ADCY9: variants seen among roughly 807,000 people sequenced by gnomAD.
ADCY9 encodes the protein adenylate cyclase type 9.
ADCY9 carries 50 observed loss-of-function variants against 101.5 expected under a neutral mutation model. The observed-to-expected ratio is 0.49, with a 90% CI of 0.39 to 0.62. The LOEUF is 0.62. ADCY9 is among the 20% of genes least tolerant of loss of function. ADCY9 has a pLI of 0.00. For synonymous variants in ADCY9, 905 were observed against 769.3 expected, an observed-to-expected ratio of 1.18 and a Z score of -2.92; for missense variants, 1,662 against 1,800.4, an observed-to-expected ratio of 0.92 and a Z score of 1.39.
At chr16:3,956,789 C>T (rs549593855) in intron 5 of ADCY9, among the ~76,000 whole-genome samples, 2 of 151,978 alleles carry the variant, frequency 1.3e-5, no homozygotes, top group Non-Finnish European at 2.9e-5. Context: ...GCCACCGTGC[C>T]CGGCCAGCAA....
intron 3 of ADCY9, among the ~76,000 whole-genome samples, chr16:4,005,583 A>T (rs1486594475): frequency 2.6e-5 from 4 of 152,198 alleles, no homozygotes; most frequent in Non-Finnish European, 4.4e-5. Context: ...AATATTTGGA[A>T]AATCTCCACA....
At chr16:4,057,041 C>G (rs1028957533) in intron 2 of ADCY9, among the ~76,000 whole-genome samples, 1 of 47,538 alleles carries the variant, frequency 2.1e-5, no homozygotes, top group Non-Finnish European at 4.5e-5. Context: ...TGAAACCGCC[C>G]CCCCCCCCCC....
chr16:3,958,208 C>T (rs963424953), downstream of ADCY9, among the ~76,000 whole-genome samples: 3 of 152,054 alleles, frequency 2.0e-5, no homozygotes, highest in African/African-American at 7.2e-5. Context: ...GGGACCCTCC[C>T]GCCAGGACCC....
chr16:4,027,580 T>C (rs1247331824), intron 2 of ADCY9, among the ~76,000 whole-genome samples: 1 of 152,110 alleles, frequency 6.6e-6, no homozygotes, highest in East Asian at 1.9e-4. Context: ...CTCCTCTTTA[T>C]AAAACCATCA....
chr16:4,014,506 G>A (rs891195373), intron 2 of ADCY9, among the ~76,000 whole-genome samples: 2 of 151,330 alleles, frequency 1.3e-5, no homozygotes, highest in Non-Finnish European at 2.9e-5. Context: ...GGAGCGTAGT[G>A]GCGCGATCTC....
chr16:3,986,932 T>C (rs1010789251), intron 6 of ADCY9, among the ~76,000 whole-genome samples: 7 of 152,222 alleles, frequency 4.6e-5, no homozygotes, highest in Non-Finnish European at 8.8e-5. Flanking sequence ...CAGCTCCCCA[T>C]GGCCTGTGGC....
At chr16:3,961,985 C>T (rs1228071152), downstream of ADCY9, among the ~76,000 whole-genome samples, 2 of 151,822 alleles carry the variant, frequency 1.3e-5, no homozygotes, top group African/African-American at 4.8e-5. Context: ...GAGATCGCAC[C>T]ACGGCACTCC....
At chr16:3,975,780 G>A (rs1245727117) in intron 9 of ADCY9, among the ~76,000 whole-genome samples, 1 of 152,148 alleles carries the variant, frequency 6.6e-6, no homozygotes, top group African/African-American at 2.4e-5. Context: ...TTTATAAGCA[G>A]TTATAGGAAA....
At chr16:3,968,586 A>C (rs1380412791) in intron 10 of ADCY9, among the ~76,000 whole-genome samples, 5 of 152,176 alleles carry the variant, frequency 3.3e-5, no homozygotes, top group Non-Finnish European at 7.3e-5. Flanking sequence ...GACAATGCTA[A>C]CATCTGAACC....
intron 2 of ADCY9, among the ~76,000 whole-genome samples, chr16:4,029,297 G>C (rs572469393): frequency 2.6e-5 from 4 of 152,118 alleles, no homozygotes; most frequent in Non-Finnish European, 4.4e-5. Flanking sequence ...TCAATTTTAT[G>C]GTAGGCTGAA....
At chr16:3,994,650 G>T (rs1269098126) in intron 3 of ADCY9, among the ~76,000 whole-genome samples, 6 of 152,138 alleles carry the variant, frequency 3.9e-5, no homozygotes, top group Non-Finnish European at 5.9e-5. Flanking sequence ...TAGAAACGGG[G>T]TTTCGCCATG....
intron 2 of ADCY9, among the ~76,000 whole-genome samples, chr16:4,045,869 CTTTTTTTTTTTT>C (rs56804050): frequency 1.3e-5 from 1 of 78,910 alleles, no homozygotes; most frequent in Non-Finnish European, 2.6e-5. Flanking sequence ...TTTTTTCTTT[CTTTTTTTTTTTT>C]TTTTTTTTTG....
At chr16:4,098,290 G>A (rs1405908224) in intron 2 of ADCY9, among the ~76,000 whole-genome samples, 1 of 151,864 alleles carries the variant, frequency 6.6e-6, no homozygotes, top group Non-Finnish European at 1.5e-5. Context: ...ACCCAGGCTG[G>A]AATGTAGTGG....
At chr16:3,957,160 G>A (rs2055912094) in intron 5 of ADCY9, among the ~76,000 whole-genome samples, 2 of 152,190 alleles carry the variant, frequency 1.3e-5, no homozygotes, top group Non-Finnish European at 2.9e-5. Context: ...CCGTTTGGCT[G>A]TAATACCGCG....
chr16:4,005,281 T>G (rs1418701050), intron 3 of ADCY9, among the ~76,000 whole-genome samples: 3 of 152,196 alleles, frequency 2.0e-5, no homozygotes, highest in Admixed American at 6.5e-5. Context: ...TAAGCTGGAG[T>G]GCAGTGGCAA....
In ADCY9 at chr16:3,979,120, A is replaced by G. The variant is rs777080266; in HGVS notation, c.2675T>C (p.Ile892Thr). Residue 892 changes from isoleucine (I) to threonine (T), a missense_variant, in exon 8 of 11, where the codon ATA becomes ACA. Transcript: ENST00000294016. ...SHVTSEYETN[I>T]HFPVFTGSAA... ...AACGGCTGAGCCTTTACTTACGTGT[A>G]TGTTGGTCTCATATTCGGAGGTGAC... The G allele has an allele frequency of 4.3e-6, 7 of 1,614,188 alleles. No homozygotes were observed. Among genetic ancestry groups the G allele is most frequent in the Middle Eastern group, 1.6e-4 (1 of 6,062 alleles).
Position 3,963,160 on chromosome 16 carries a change from C to T in ADCY9, c.*2615G>A. The stretch of plus-strand genomic sequence containing the variant: ...TATATATATGGATATATAATTCGAT[C>T]TGAGCTGGGACTGAGAAGAAAATAG... On this transcript the variant is annotated 3_prime_UTR_variant, in exon 11 of 11. Coordinates refer to ENST00000294016, the MANE Select transcript of ADCY9 (RefSeq NM_001116.4). 1 of 254,934 alleles carries T rather than the reference C, an allele frequency of 3.9e-6. No homozygotes were observed. Among genetic ancestry groups the T allele is most frequent in the Non-Finnish European group, 6.9e-6 (1 of 145,908 alleles). The allele number at this position is 254,934 out of a possible 1,614,324, so 15.8% of individuals were successfully genotyped here.
intron 6 of ADCY9, among the ~76,000 whole-genome samples, chr16:3,986,713 C>G (rs989317497): frequency 6.6e-6 from 1 of 152,180 alleles, no homozygotes; most frequent in Non-Finnish European, 1.5e-5. Flanking sequence ...CCGCCTCAGC[C>G]TCCCAAAGTG....
intron 7 of ADCY9, 142 bp from the exon 8 acceptor site, chr16:3,979,417 G>T (rs2141685485): frequency 4.1e-6 from 4 of 970,280 alleles, no homozygotes; most frequent in Non-Finnish European, 6.1e-6. Flanking sequence ...CAGGCGTGGG[G>T]TGGGAGTCTA....
Sources: gnomAD v4.1 joint callset for allele counts (sites outside exome capture counted in the v4.1 genomes callset) on GRCh38, gnomAD v4.1.1 for gene constraint, MANE v1.5 for transcripts, NCBI Gene and HGNC (gene_info 2026-07-23, HGNC 2026-07-21) for gene names.